MTMR9: variants seen among roughly 807,000 people sequenced by gnomAD.
MTMR9 encodes myotubularin-related protein 9.
MTMR9 carries 39 observed loss-of-function variants against 69.5 expected under a neutral mutation model. The observed-to-expected ratio is 0.56, with a 90% CI of 0.43 to 0.73. The LOEUF (loss-of-function observed/expected upper bound fraction) is 0.73, where lower values mean the gene tolerates loss of function less well. Among genes scored for constraint, MTMR9 ranks in the 30% least tolerant of loss-of-function variants. MTMR9 has a pLI of 0.00. For missense variants in MTMR9, 900 were observed against 671.2 expected, an observed-to-expected ratio of 1.34 and a Z score of -3.77; for synonymous variants, 354 against 240.8, an observed-to-expected ratio of 1.47 and a Z score of -4.35.
At chr8:11,311,906 A>T (rs1332106640) in intron 6 of MTMR9, among the ~76,000 whole-genome samples, 1 of 150,766 alleles carries the variant, frequency 6.6e-6, no homozygotes, top group African/African-American at 2.4e-5. Context: ...TGTCATTTCA[A>T]CAATATTCAC....
intron 8 of MTMR9, chr8:11,317,545 A>T (rs544316016): frequency 3.9e-5 from 6 of 152,188 alleles, no homozygotes; most frequent in African/African-American, 1.4e-4. Flanking sequence ...GGAGGTGGAA[A>T]TACGCGCTCA....
At chr8:11,331,160 G>A (rs369468696), downstream of MTMR9, 83 of 1,612,046 alleles carry the variant, frequency 5.1e-5, 1 homozygote, top group East Asian at 4.2e-4. Context: ...ACCCATCGCC[G>A]CCCTCCGCTC....
intron 2 of MTMR9, among the ~76,000 whole-genome samples, chr8:11,299,493 C>T (rs1387960966): frequency 6.6e-6 from 1 of 152,170 alleles, no homozygotes; most frequent in Non-Finnish European, 1.5e-5. Flanking sequence ...ACATGACTTT[C>T]CTACTGCACT....
the MTMR9 span, among the ~76,000 whole-genome samples, chr8:11,334,750 G>A: frequency 6.6e-6 from 1 of 152,142 alleles, no homozygotes; most frequent in African/African-American, 2.4e-5. Context: ...ATGTATGCAA[G>A]GCTGATTTAA....
At chr8:11,338,307 G>A in the MTMR9 span, among the ~76,000 whole-genome samples, 3 of 152,228 alleles carry the variant, frequency 2.0e-5, no homozygotes, top group African/African-American at 4.8e-5. Context: ...TCTCCGGAGT[G>A]TCCAGAGGTC....
intron 2 of MTMR9, among the ~76,000 whole-genome samples, chr8:11,296,918 A>G (rs943782034): frequency 2.0e-5 from 3 of 152,144 alleles, no homozygotes; most frequent in Non-Finnish European, 4.4e-5. Context: ...ATTGGTTCAG[A>G]TTACAAATAA....
chr8:11,329,563 G>A (rs1297405845), downstream of MTMR9, among the ~76,000 whole-genome samples: 1 of 152,252 alleles, frequency 6.6e-6, no homozygotes, highest in African/African-American at 2.4e-5. Context: ...TGATCCGCCA[G>A]CCTCGGCCTC....
intron 3 of MTMR9, among the ~76,000 whole-genome samples, chr8:11,303,792 C>T (rs1799836489): frequency 6.6e-6 from 1 of 152,072 alleles, no homozygotes; most frequent in Non-Finnish European, 1.5e-5. Flanking sequence ...CCTTGGCCTC[C>T]CAAAGTGCCG....
Position 11,324,428 on chromosome 8 carries a change from G to C in MTMR9, c.*1640G>C, listed in dbSNP as rs902378740. The C allele has an allele frequency of 2.6e-5, 4 of 151,308 alleles. No homozygotes were observed. Among genetic ancestry groups the C allele is most frequent in the Non-Finnish European group, 4.4e-5 (3 of 67,914 alleles). The allele number at this position is 151,308 out of a possible 1,614,324, so 9.4% of individuals were successfully genotyped here. A position where few individuals can be genotyped will look rare whatever the true frequency, so the allele number is the denominator to read the frequency against. Reference sequence around the variant, plus strand: ...TTCTTTGCTGTAGTTATGAACCTTGGGGCATTAAAATCCCATGGCAAGGAG... The same window carrying C: ...TTCTTTGCTGTAGTTATGAACCTTGCGGCATTAAAATCCCATGGCAAGGAG... On this transcript the variant is annotated 3_prime_UTR_variant, in exon 10 of 10. Coordinates refer to ENST00000221086, the MANE Select transcript of MTMR9 (RefSeq NM_015458.4).
In MTMR9 at chr8:11,316,844, G is replaced by C; in HGVS notation, c.1285G>C (p.Ala429Pro). 6.2e-7 allele frequency: 1 copy of C among 1,613,042 alleles called. No individual in the cohort carries two copies. The highest frequency in any genetic ancestry group is 8.5e-7 in the Non-Finnish European group (1 of 1,179,524). ...ENFLIMLFEH[A>P]YASQFGTFLG... Reference sequence around the variant, plus strand: ...TTTCCTCATCATGCTCTTTGAGCATGCTTATGCCTCACAGTTTGGAACATT... The same window carrying C: ...TTTCCTCATCATGCTCTTTGAGCATCCTTATGCCTCACAGTTTGGAACATT... The change falls in exon 8 of 10, where the codon GCT (alanine) becomes CCT (proline). Residue 429 changes from alanine (A) to proline (P), a missense_variant. Physicochemically the swap from Ala to Pro is conservative, Grantham distance 27 (BLOSUM62 -1). Coordinates refer to ENST00000221086, the MANE Select transcript of MTMR9 (RefSeq NM_015458.4).
rs1027851095 is a variant in MTMR9 at position 11,309,393 on chromosome 8, T to A, written c.810-134T>A. ...TTTTCAACCTTTAATCCTCAAATTA[T>A]AGCAGGGTAAATATTTTTATAGTAT... On this transcript the variant is annotated intron_variant, in intron 5 of 9. Transcript: ENST00000221086. 25 of 731,012 alleles carry A rather than the reference T, an allele frequency of 3.4e-5. No homozygotes were observed. The South Asian group carries it at 4.5e-4, about 13-fold the overall frequency. The allele number at this position is 731,012 out of a possible 1,614,324, so 45.3% of individuals were successfully genotyped here. A position where few individuals can be genotyped will look rare whatever the true frequency, so the allele number is the denominator to read the frequency against.
chr8:11,333,379 C>A, the MTMR9 span, among the ~76,000 whole-genome samples: 1 of 152,128 alleles, frequency 6.6e-6, no homozygotes, highest in Non-Finnish European at 1.5e-5. Context: ...AATAACCTGT[C>A]AACTGAGAAT....
intron 1 of MTMR9, among the ~76,000 whole-genome samples, chr8:11,286,571 C>T (rs1022732373): frequency 2.1e-5 from 3 of 145,984 alleles, no homozygotes; most frequent in Admixed American, 1.4e-4. Context: ...GAGGCTGAGG[C>T]GGAAAAATCG....
At chr8:11,319,951 C>A (rs1800603122) in intron 9 of MTMR9, 113 bp downstream of exon 9, 2 of 1,004,304 alleles carry the variant, frequency 2.0e-6, no homozygotes, top group Non-Finnish European at 1.4e-6. Flanking sequence ...GGCCCTCAGA[C>A]CTGTGTGAAT....
At chr8:11,329,312 G>C (rs529740270), downstream of MTMR9, among the ~76,000 whole-genome samples, 4 of 152,306 alleles carry the variant, frequency 2.6e-5, no homozygotes, top group South Asian at 8.3e-4. Context: ...AAGATCACTT[G>C]AGCCCAGGAG....
chr8:11,318,499 G>C (rs1048686305), intron 8 of MTMR9: 1 of 152,204 alleles, frequency 6.6e-6, no homozygotes, highest in Non-Finnish European at 1.5e-5. Flanking sequence ...TGTGGTTTCA[G>C]AGACAAAACT....
chr8:11,301,393 T>C (rs534916017), intron 3 of MTMR9, among the ~76,000 whole-genome samples: 10 of 152,260 alleles, frequency 6.6e-5, no homozygotes, highest in African/African-American at 2.2e-4. Flanking sequence ...ACCAATACAA[T>C]TCAATTGGGA....
chr8:11,308,567 C>T (rs28507159), intron 5 of MTMR9, among the ~76,000 whole-genome samples: 54,977 of 151,990 alleles, frequency 0.36, 11,213 homozygotes, highest in East Asian at 0.7. Flanking sequence ...ATGACTCAGT[C>T]TTGGTAGGTT....
intron 8 of MTMR9, 132 bp from the exon 9 acceptor site, chr8:11,319,555 C>G (rs1800576259): frequency 3.3e-6 from 3 of 903,100 alleles, no homozygotes; most frequent in South Asian, 3.3e-5. Context: ...TTTTTCAACA[C>G]TTTGTTTCTC....
Sources: gnomAD v4.1 joint callset for allele counts (sites outside exome capture counted in the v4.1 genomes callset) on GRCh38, gnomAD v4.1.1 for gene constraint, MANE v1.5 for transcripts, NCBI Gene and HGNC (gene_info 2026-07-23, HGNC 2026-07-21) for gene names.